NEK11: variants seen among roughly 807,000 people sequenced by gnomAD.
The protein encoded by NEK11 is serine/threonine-protein kinase Nek11.
A neutral mutation model predicts 80.7 loss-of-function variants in NEK11; 72 were observed. The ratio of observed to expected loss-of-function variants is 0.89; its 90% confidence interval spans 0.74 to 1.08. The LOEUF (loss-of-function observed/expected upper bound fraction) is 1.08, where lower values mean the gene tolerates loss of function less well. NEK11 is among the 50% of genes least tolerant of loss of function. NEK11 has a pLI of 0.00. For synonymous variants in NEK11, 251 were observed against 260.7 expected (o/e 0.96, Z 0.36); for missense variants, 764 against 763.6 (o/e 1.00, Z -0.01).
At chr3:131,142,392 A>G (rs554874527) in intron 7 of NEK11, among the ~76,000 whole-genome samples, 22 of 151,998 alleles carry the variant, frequency 1.4e-4, no homozygotes, top group Admixed American at 9.8e-4. Context: ...TAGGTCTTCT[A>G]TTAACCTGGC....
chr3:131,168,752 T>C, intron 12 of NEK11, 78 bp from the exon 13 acceptor site: 1 of 990,262 alleles, frequency 1.0e-6, no homozygotes, highest in Non-Finnish European at 1.5e-6. Flanking sequence ...ATGGGCCTCC[T>C]GAAAGCAGCA....
At chr3:131,040,610 C>A (rs189287811) in intron 3 of NEK11, among the ~76,000 whole-genome samples, 1 of 152,256 alleles carries the variant, frequency 6.6e-6, no homozygotes, top group East Asian at 1.9e-4. Flanking sequence ...TTGATACTTT[C>A]AGCTGAGTGC....
chr3:131,137,200 G>C (rs1390607142), intron 7 of NEK11, among the ~76,000 whole-genome samples: 12 of 152,136 alleles, frequency 7.9e-5, no homozygotes, highest in African/African-American at 2.9e-4. Flanking sequence ...TTGGACTCAG[G>C]CTTTCATGAT....
At chr3:131,300,829 T>C (rs1305926729) in intron 17 of NEK11, among the ~76,000 whole-genome samples, 2 of 152,202 alleles carry the variant, frequency 1.3e-5, no homozygotes, top group East Asian at 3.8e-4. Flanking sequence ...TCTAACTTTG[T>C]TCTTTTGCTT....
rs891083631 is a variant in NEK11, at chr3:131,336,426, C to T, written c.1719-13131C>T. Among the ~76,000 whole-genome samples the T allele has an allele frequency of 9.7e-4, 148 of 152,048 alleles. 1 individual carries two copies. The highest frequency in any genetic ancestry group is 3.3e-3 in the African/African-American group (137 of 41,426). ...AACTGGCTAGCCATATATAGAAAGC[C>T]GAAACTGGATCCCTTCCTTACACCT... On this transcript the variant is annotated intron_variant, in intron 17 of 17. Transcript: ENST00000383366.
intron 17 of NEK11, among the ~76,000 whole-genome samples, chr3:131,307,990 A>C (rs1346519450): frequency 6.6e-6 from 1 of 152,248 alleles, no homozygotes; most frequent in Non-Finnish European, 1.5e-5. Flanking sequence ...AAAATTAAAA[A>C]TATGTGACAC....
intron 5 of NEK11, among the ~76,000 whole-genome samples, chr3:131,126,742 T>C (rs904955739): frequency 3.3e-5 from 5 of 152,132 alleles, no homozygotes; most frequent in African/African-American, 9.7e-5. Context: ...TGAAAACTTC[T>C]AAATTCTGAA....
At chr3:131,160,605 C>T (rs560812890) in intron 10 of NEK11, among the ~76,000 whole-genome samples, 10 of 152,114 alleles carry the variant, frequency 6.6e-5, no homozygotes, top group African/African-American at 2.2e-4. Flanking sequence ...TGTAAACAGA[C>T]GAAATGCCAC....
chr3:131,297,044 C>T (rs1470449337), intron 17 of NEK11, among the ~76,000 whole-genome samples: 1 of 152,152 alleles, frequency 6.6e-6, no homozygotes, highest in Non-Finnish European at 1.5e-5. Flanking sequence ...GCCACATTTT[C>T]TTAATCCAGT....
rs147575250 is a variant in NEK11, at chr3:131,174,408, G to A, written c.1399+3521G>A. Among the ~76,000 whole-genome samples, 392 of 152,254 alleles carry A rather than the reference G, an allele frequency of 2.6e-3. 1 individual carries two copies. The highest frequency in any genetic ancestry group is 8.8e-3 in the African/African-American group (367 of 41,556). ...GAAATTTGTATTTATTTTTTATTTG[G>A]CATGTATATGTAAAATAAAATTATA... On this transcript the variant is annotated intron_variant, in intron 14 of 17. Coordinates refer to ENST00000383366, the MANE Select transcript of NEK11 (RefSeq NM_024800.5).
chr3:131,057,863 C>G (rs1283060174), intron 3 of NEK11, among the ~76,000 whole-genome samples: 2 of 152,156 alleles, frequency 1.3e-5, no homozygotes, highest in East Asian at 3.9e-4. Context: ...ATGGCAGTTT[C>G]TTTTGCTGTG....
intron 14 of NEK11, among the ~76,000 whole-genome samples, chr3:131,179,104 T>C (rs77182688): frequency 0.015 from 2,255 of 152,238 alleles, 62 homozygotes; most frequent in African/African-American, 0.051. Flanking sequence ...TGGAGTGAGT[T>C]CATCCCTCTT....
intron 17 of NEK11, chr3:131,325,549 A>G (rs1392820046): frequency 6.6e-6 from 1 of 152,180 alleles, no homozygotes; most frequent in African/African-American, 2.4e-5. Context: ...TATTCACTGT[A>G]TTATACTTTA....
At chr3:131,082,554 C>T (rs1400529085) in intron 4 of NEK11, among the ~76,000 whole-genome samples, 3 of 152,114 alleles carry the variant, frequency 2.0e-5, no homozygotes, top group South Asian at 2.1e-4. Context: ...ACTTGCTGTG[C>T]GGATAGTGCA....
At chr3:131,165,330 T>A (rs2092103965) in intron 11 of NEK11, 96 bp from the exon 12 acceptor site, 2 of 750,452 alleles carry the variant, frequency 2.7e-6, no homozygotes, top group South Asian at 3.6e-5. Context: ...AATCCCCCAG[T>A]CAGTCTGTTG....
At chr3:131,058,615 T>C (rs1297147915) in intron 3 of NEK11, among the ~76,000 whole-genome samples, 1 of 152,228 alleles carries the variant, frequency 6.6e-6, no homozygotes, top group African/African-American at 2.4e-5. Flanking sequence ...CATTGACTTA[T>C]CTTCATCTCT....
At chr3:131,113,217 G>T (rs764332947) in intron 5 of NEK11, among the ~76,000 whole-genome samples, 3 of 152,130 alleles carry the variant, frequency 2.0e-5, no homozygotes, top group African/African-American at 7.2e-5. Flanking sequence ...GGAAAGACAG[G>T]TTTGAAACAA....
At chr3:131,290,854 G>C (rs1184025821) in intron 17 of NEK11, among the ~76,000 whole-genome samples, 1 of 151,976 alleles carries the variant, frequency 6.6e-6, no homozygotes, top group Non-Finnish European at 1.5e-5. Context: ...TATATCTCCT[G>C]CCCCCACACA....
intron 4 of NEK11, among the ~76,000 whole-genome samples, chr3:131,099,214 A>C (rs761563844): frequency 6.6e-6 from 1 of 152,198 alleles, no homozygotes; most frequent in Admixed American, 6.5e-5. Context: ...TCTCAGGACC[A>C]TTTATTGAAA....
Sources: allele counts gnomAD v4.1 joint callset (sites outside exome capture counted in the v4.1 genomes callset), GRCh38; gene constraint gnomAD v4.1.1; transcripts MANE v1.5; gene names NCBI Gene and HGNC (gene_info 2026-07-23, HGNC 2026-07-21).